The following ERG variants were observed in gnomAD, a reference collection of about 807,000 sequenced individuals.
ERG encodes transcriptional regulator ERG.
Under a neutral mutation model 55.3 loss-of-function variants are expected in ERG, and 9 were observed. The ratio of observed to expected loss-of-function variants is 0.16; its 90% confidence interval spans 0.10 to 0.28. ERG has a LOEUF of 0.28. Ranked by LOEUF, ERG falls within the 10% of genes least tolerant of loss-of-function variation. The pLI is 1.00. For synonymous variants in ERG, 223 were observed against 237.3 expected (o/e 0.94, Z 0.55); for missense variants, 434 against 631.6 (o/e 0.69, Z 3.35).
chr21:38,373,678 G>A, the ERG span, among the ~76,000 whole-genome samples: 4 of 152,246 alleles, frequency 2.6e-5, no homozygotes, highest in African/African-American at 9.6e-5. Flanking sequence ...TCTTCAAATG[G>A]GGACAGGAAT....
chr21:38,584,224 A>T (rs1221882173), intron 1 of ERG, among the ~76,000 whole-genome samples: 1 of 152,158 alleles, frequency 6.6e-6, no homozygotes, highest in African/African-American at 2.4e-5. Context: ...CATAACCTTG[A>T]TCCCTGCGGT....
intron 1 of ERG, among the ~76,000 whole-genome samples, chr21:38,485,862 CTG>C (rs1293139848): frequency 6.6e-6 from 1 of 152,024 alleles, no homozygotes; most frequent in African/African-American, 2.4e-5. Flanking sequence ...ACTTTCCATC[CTG>C]CAAGCTCCAT....
intron 2 of ERG, among the ~76,000 whole-genome samples, chr21:38,430,858 C>T (rs1326017556): frequency 6.6e-6 from 1 of 152,326 alleles, no homozygotes; most frequent in East Asian, 1.9e-4. Flanking sequence ...GGAGTGTAAC[C>T]TCTGCAGCAA....
intron 2 of ERG, among the ~76,000 whole-genome samples, chr21:38,574,914 A>AT (rs1175511751): frequency 6.6e-6 from 1 of 152,138 alleles, no homozygotes; most frequent in African/African-American, 2.4e-5. Flanking sequence ...TTAAGCCCCA[A>AT]TTTTTTCTGC....
intron 6 of ERG, among the ~76,000 whole-genome samples, chr21:38,398,577 T>G (rs1988337136): frequency 6.6e-6 from 1 of 152,190 alleles, no homozygotes; most frequent in Non-Finnish European, 1.5e-5. Context: ...CAGAGCGGCA[T>G]GGGAGGTGTC....
chr21:38,504,159 G>C (rs926037022), intron 2 of ERG, among the ~76,000 whole-genome samples: 2 of 152,124 alleles, frequency 1.3e-5, no homozygotes, highest in Admixed American at 6.5e-5. Flanking sequence ...CAGTCTCTTG[G>C]TTGATCTGAA....
chr21:38,441,631 G>A (rs573895313), intron 2 of ERG, among the ~76,000 whole-genome samples: 1 of 152,238 alleles, frequency 6.6e-6, no homozygotes, highest in East Asian at 1.9e-4. Flanking sequence ...AGACGGGCAT[G>A]AGCTCTGTAT....
At chr21:38,392,283 C>A in intron 7 of ERG, 93 bp downstream of exon 7, 1 of 1,113,364 alleles carries the variant, frequency 9.0e-7, no homozygotes, top group Non-Finnish European at 1.3e-6. Flanking sequence ...GTTGCAAAAT[C>A]ACAGATTAAC....
chr21:38,401,254 TGG>T (rs762796915), intron 5 of ERG, among the ~76,000 whole-genome samples: 1 of 152,254 alleles, frequency 6.6e-6, no homozygotes, highest in Non-Finnish European at 1.5e-5. Flanking sequence ...TTAATATATT[TGG>T]AGCTTTTTTG....
At chr21:38,591,821 T>C (rs551131464) in intron 1 of ERG, among the ~76,000 whole-genome samples, 1 of 152,364 alleles carries the variant, frequency 6.6e-6, no homozygotes, top group Admixed American at 6.5e-5. Context: ...TAGCTAGGGA[T>C]GCACTAGTGC....
chr21:38,583,124 T>C lies in ERG; in HGVS notation c.-127+1720A>G, dbSNP rs181106564. The stretch of plus-strand genomic sequence containing the variant: ...GGAATGAATCCATTCCTTGAAAGCA[T>C]TGGTCGCTGGGTGCACTTGTCCTGG... On this transcript the variant is annotated intron_variant, in intron 1 of 8. Coordinates refer to the ERG transcript ENST00000398897. 4.6e-4 allele frequency among the ~76,000 whole-genome samples: 70 copies of C among 152,330 alleles called. 3 individuals carry two copies. The East Asian group carries it at 7.7e-3, about 17-fold the overall frequency.
intron 1 of ERG, among the ~76,000 whole-genome samples, chr21:38,491,161 T>C (rs1192828982): frequency 2.0e-5 from 3 of 151,074 alleles, no homozygotes; most frequent in Non-Finnish European, 4.4e-5. Context: ...GTTTCAACAG[T>C]TTCTTCTTCC....
At chr21:38,642,468 C>CTGCCCCAGCCAG (rs6147506) in intron 1 of ERG, among the ~76,000 whole-genome samples, 1 of 151,616 alleles carries the variant, frequency 6.6e-6, no homozygotes, top group Non-Finnish European at 1.5e-5. Flanking sequence ...ACACCCCACC[C>CTGCCCCAGCCAG]TAAATCCATA....
At chr21:38,504,647 C>T (rs757235366) in intron 2 of ERG, among the ~76,000 whole-genome samples, 65 of 152,184 alleles carry the variant, frequency 4.3e-4, no homozygotes, top group South Asian at 8.3e-4. Context: ...CATAAGGCTT[C>T]GTATGCCCAC....
At chr21:38,487,617 T>G (rs1319187151) in intron 1 of ERG, among the ~76,000 whole-genome samples, 2 of 152,084 alleles carry the variant, frequency 1.3e-5, no homozygotes, top group Non-Finnish European at 2.9e-5. Context: ...CAATACAGAC[T>G]CAGGAGATCA....
At chr21:38,607,617 C>T (rs904935845) in intron 1 of ERG, among the ~76,000 whole-genome samples, 21 of 151,240 alleles carry the variant, frequency 1.4e-4, no homozygotes, top group African/African-American at 4.4e-4. Context: ...CCAGCCTGGG[C>T]GACAGAGCCA....
At chr21:38,438,738 C>T (rs1250742511) in intron 2 of ERG, among the ~76,000 whole-genome samples, 3 of 152,214 alleles carry the variant, frequency 2.0e-5, no homozygotes, top group African/African-American at 4.8e-5. Context: ...ACCCCACCTC[C>T]GCGTAGATCC....
At chr21:38,619,061 C>A (rs2146939524) in intron 1 of ERG, among the ~76,000 whole-genome samples, 1 of 152,302 alleles carries the variant, frequency 6.6e-6, no homozygotes, top group Non-Finnish European at 1.5e-5. Flanking sequence ...AGACACCTCA[C>A]ATTAAGCCAA....
chr21:38,444,745 C>G (rs1447337417), intron 2 of ERG, among the ~76,000 whole-genome samples: 1 of 144,026 alleles, frequency 6.9e-6, no homozygotes, highest in Non-Finnish European at 1.5e-5. Flanking sequence ...AAAAAACAAA[C>G]AGCAGGCATT....
Sources: allele counts gnomAD v4.1 joint callset (sites outside exome capture counted in the v4.1 genomes callset), GRCh38; gene constraint gnomAD v4.1.1; transcripts MANE v1.5; gene names NCBI Gene and HGNC (gene_info 2026-07-23, HGNC 2026-07-21).